VSIG10L: variants seen among roughly 807,000 people sequenced by gnomAD.
The protein encoded by VSIG10L is V-set and immunoglobulin domain containing 10 like, also known as V-set and immunoglobulin domain-containing protein 10-like.
A neutral mutation model predicts 67.3 loss-of-function variants in VSIG10L; 63 were observed. The observed-to-expected ratio is 0.94, with a 90% CI of 0.76 to 1.15. The LOEUF is 1.15. Ranked by LOEUF, VSIG10L falls within the 50% of genes most tolerant of loss-of-function variation. The pLI is 0.00. For synonymous variants in VSIG10L, 499 were observed against 524.9 expected (o/e 0.95, Z 0.67); for missense variants, 1,050 against 1,177.5 (o/e 0.89, Z 1.58).
chr19:51,333,629 C>A (rs1274894928), intron 9 of VSIG10L, among the ~76,000 whole-genome samples, 162 bp downstream of exon 9: 3 of 151,994 alleles, frequency 2.0e-5, no homozygotes, highest in African/African-American at 7.3e-5. Context: ...GGGCGGGAAG[C>A]TCTGTCCAAC....
In VSIG10L at chr19:51,340,924, G is replaced by GCCT. The variant is rs1216597393; in HGVS notation, c.896-201_896-199dup. Reference sequence around the variant, plus strand: ...AGGAGTTCGCCAGAAGAGGCTCCTAGCCTCCTCCTCCTCCCTCAGACCTGG... The same window carrying GCCT: ...AGGAGTTCGCCAGAAGAGGCTCCTAGCCTCCTCCTCCTCCTCCCTCAGACCTGG... On this transcript the variant is annotated intron_variant, in intron 2 of 9. Coordinates refer to ENST00000335624, the MANE Select transcript of VSIG10L (RefSeq NM_001163922.3). This position sits in a 1 kb window ranked among gnomAD's most constrained non-coding sequence, Gnocchi z 6.3. 1.1e-6 allele frequency: 1 copy of GCCT among 917,190 alleles called. No homozygotes were observed. Among genetic ancestry groups the GCCT allele is most frequent in the Non-Finnish European group, 1.5e-6 (1 of 654,794 alleles). The allele number at this position is 917,190 out of a possible 1,614,324, so 56.8% of individuals were successfully genotyped here.
Position 51,338,053 on chromosome 19 carries a change from G to A in VSIG10L, c.1885C>T (p.Arg629Trp), listed in dbSNP as rs777439173. The change falls in exon 6 of 10, where the codon CGG (arginine) becomes TGG (tryptophan). Residue 629 changes from arginine to tryptophan, a missense_variant. Coordinates refer to ENST00000335624, the MANE Select transcript of VSIG10L (RefSeq NM_001163922.3). ...AGTTTCCGCCCATCTTGACTGAGCC[G>A]CAGGCGACTCCCGCCTCCTGGAGCC... The part of the protein sequence containing the change: ...PLAPGGGSRL[R>W]LSQDGRKLHI... The A allele has an allele frequency of 8.4e-6, 13 of 1,551,486 alleles. No individual in the cohort carries two copies. The Admixed American group carries it at 9.8e-5, about 12-fold the overall frequency.
intron 8 of VSIG10L, 68 bp downstream of exon 8, chr19:51,334,123 C>T (rs1311635150): frequency 5.3e-6 from 8 of 1,518,336 alleles, no homozygotes; most frequent in Non-Finnish European, 7.2e-6. Context: ...GCCAGGTCTT[C>T]CATAGGCCTC....
chr19:51,334,870 T>C (rs1035938647), intron 7 of VSIG10L, among the ~76,000 whole-genome samples: 2 of 152,092 alleles, frequency 1.3e-5, no homozygotes, highest in South Asian at 4.2e-4. Flanking sequence ...TCTGGGGACG[T>C]TGAGGCTGCA....
Position 51,340,161 on chromosome 19 carries a change from G to T in VSIG10L, c.1328C>A (p.Ala443Glu). 7.1e-7 allele frequency: 1 copy of T among 1,407,860 alleles called. No homozygotes were observed. The highest frequency in any genetic ancestry group is 3.1e-5 in the East Asian group (1 of 32,610). 87.2% of individuals were successfully genotyped at this position (1,407,860 alleles called of 1,614,324 possible). The change falls in exon 4 of 10, where the codon GCG (alanine) becomes GAG (glutamate). Residue 443 changes from alanine (A) to glutamate (E), a missense_variant. Physicochemically the swap from Ala to Glu is moderately radical, Grantham distance 107. Transcript: ENST00000335624. The surrounding 1 kb of genome is among the most constrained non-coding windows in gnomAD (Gnocchi z 6.3). Reference sequence around the variant, plus strand: ...GGGCACCGCGGCCTCGGCCGGGTCCGCCAGGCTCCACGTGATGTCGGCGGG... The same window carrying T: ...GGGCACCGCGGCCTCGGCCGGGTCCTCCAGGCTCCACGTGATGTCGGCGGG... ...RPPADITWSL[A>E]DPAEAAVPAG...
rs1339945003 is a variant in VSIG10L at position 51,340,056 on chromosome 19, G to A, written c.1433C>T (p.Thr478Ile). ...GAGCAGCGAGCGGCGGCGGCGGCCG[G>A]TACGCGGGTTCGCCGCCAGGCAGGC... Reference protein sequence around the residue: ...TYACLAANPRTGRRRRSLLNL... With the variant: ...TYACLAANPRIGRRRRSLLNL... Residue 478 changes from threonine (T) to isoleucine (I), a missense_variant, in exon 4 of 10, where the codon ACC becomes ATC. By Grantham distance (89) the Thr-to-Ile change is moderately conservative (BLOSUM62 -1). Transcript: ENST00000335624. This position sits in a 1 kb window ranked among gnomAD's most constrained non-coding sequence, Gnocchi z 6.3. 2.1e-6 allele frequency: 3 copies of A among 1,435,512 alleles called. No homozygotes were observed. The African/African-American group carries it at 4.4e-5, about 21-fold the overall frequency. The allele number at this position is 1,435,512 out of a possible 1,614,324, so 88.9% of individuals were successfully genotyped here. A position where few individuals can be genotyped will look rare whatever the true frequency, so the allele number is the denominator to read the frequency against.
rs1205117849 is a variant in VSIG10L at position 51,337,438 on chromosome 19, A to G, written c.2105T>C (p.Ile702Thr). Residue 702 changes from isoleucine (I) to threonine (T), a missense_variant, in exon 7 of 10, where the codon ATC (isoleucine) becomes ACC (threonine). This residue lies in a region of VSIG10L where 529 missense variants were observed against 584.9 expected (regional missense o/e 0.90). Transcript: ENST00000335624. Reference sequence around the variant, plus strand: ...AGCAGGCCCATCTGGCCATGCCTGGATCTCAAAACTGCTGATCAGGGCCCC... The same window carrying G: ...AGCAGGCCCATCTGGCCATGCCTGGGTCTCAAAACTGCTGATCAGGGCCCC... ...ERGALISSFEIQAWPDGPALG... is the reference protein window; with the variant it reads ...ERGALISSFETQAWPDGPALG... 6.4e-7 allele frequency: 1 copy of G among 1,551,714 alleles called. No individual in the cohort carries two copies. The highest frequency in any genetic ancestry group is 1.2e-5 in the South Asian group (1 of 84,064).
Position 51,338,927 on chromosome 19 carries a change from G to A in VSIG10L, c.1690C>T (p.Arg564Cys). 1.4e-6 allele frequency: 2 copies of A among 1,447,622 alleles called. No homozygotes were observed. The highest frequency in any genetic ancestry group is 1.4e-5 in the South Asian group (1 of 72,130). The allele number at this position is 1,447,622 out of a possible 1,614,324, so 89.7% of individuals were successfully genotyped here. A position where few individuals can be genotyped will look rare whatever the true frequency, so the allele number is the denominator to read the frequency against. ...CAGGTACGCGTGGCCACCAGGTGGC[G>A]AGCAAGGCAGGTGATGGGGACGCCG... ...LSGVPITCLA[R>C]HLVATRTCTV... The change falls in exon 5 of 10, where the codon CGC (arginine) becomes TGC (cysteine). Residue 564 changes from arginine (R) to cysteine (C), a missense_variant. By Grantham distance (180) the Arg-to-Cys change is radical. Transcript: ENST00000335624.
At chr19:51,335,079 A>G (rs1445293285) in intron 7 of VSIG10L, among the ~76,000 whole-genome samples, 4 of 152,244 alleles carry the variant, frequency 2.6e-5, no homozygotes, top group Non-Finnish European at 5.9e-5. Flanking sequence ...AGACAGTCAT[A>G]CTAAACCCGG....
In VSIG10L at chr19:51,339,154, A is replaced by T; in HGVS notation, c.1475-12T>A. 3 of 1,284,010 alleles carry T rather than the reference A, an allele frequency of 2.3e-6. No individual in the cohort carries two copies. The allele number at this position is 1,284,010 out of a possible 1,614,324, so 79.5% of individuals were successfully genotyped here. A position where few individuals can be genotyped will look rare whatever the true frequency, so the allele number is the denominator to read the frequency against. Reference sequence around the variant, plus strand: ...CCCGGGGGGCAGGTCTGCGGAGAGAAGGGAGAGAATGAAGATGGAGTCCCT... The same window carrying T: ...CCCGGGGGGCAGGTCTGCGGAGAGATGGGAGAGAATGAAGATGGAGTCCCT... On this transcript the variant is annotated splice_polypyrimidine_tract_variant and intron_variant, in intron 4 of 9. Transcript: ENST00000335624.
Position 51,339,940 on chromosome 19 carries a change from T to C in VSIG10L, c.1474+75A>G, listed in dbSNP as rs1599834645. The C allele has an allele frequency of 3.2e-5, 29 of 915,442 alleles. No homozygotes were observed. The Middle Eastern group carries it at 2.1e-3, about 66-fold the overall frequency. The allele number at this position is 915,442 out of a possible 1,614,324, so 56.7% of individuals were successfully genotyped here. On this transcript the variant is annotated intron_variant, in intron 4 of 9. Coordinates refer to ENST00000335624, the MANE Select transcript of VSIG10L (RefSeq NM_001163922.3). Reference sequence around the variant, plus strand: ...TGCTCCTCCTTGCTGGCCCCGCCCCTTTCCTCTAGCCCCGCCCTCGTTCTG... The same window carrying C: ...TGCTCCTCCTTGCTGGCCCCGCCCCCTTCCTCTAGCCCCGCCCTCGTTCTG...
In VSIG10L at chr19:51,340,758, C is replaced by A; in HGVS notation, c.896-32G>T. ...GAGGGAGAATGGGCTCAGGACCCAC[C>A]CAGTCCTGGAGCCCATCTTTGGTCC... On this transcript the variant is annotated intron_variant, in intron 2 of 9. Transcript: ENST00000335624. This position sits in a 1 kb window ranked among gnomAD's most constrained non-coding sequence, Gnocchi z 6.3. The A allele has an allele frequency of 6.2e-6, 9 of 1,451,148 alleles. No individual in the cohort carries two copies. Among genetic ancestry groups the A allele is most frequent in the Non-Finnish European group, 8.1e-6 (9 of 1,105,060 alleles). The allele number at this position is 1,451,148 out of a possible 1,614,324, so 89.9% of individuals were successfully genotyped here. A position where few individuals can be genotyped will look rare whatever the true frequency, so the allele number is the denominator to read the frequency against.
chr19:51,339,912 T>G, intron 4 of VSIG10L, 103 bp downstream of exon 4: 1 of 1,085,776 alleles, frequency 9.2e-7, no homozygotes, highest in Middle Eastern at 3.8e-4. Flanking sequence ...CCCACCGGTA[T>G]GCTGCTCCTC....
chr19:51,339,406 C>G (rs1326045265), intron 4 of VSIG10L, among the ~76,000 whole-genome samples: 1 of 152,172 alleles, frequency 6.6e-6, no homozygotes, highest in Non-Finnish European at 1.5e-5. Context: ...TAACTCAGCC[C>G]CTTCCTTTCC....
At chr19:51,339,958 T>G in intron 4 of VSIG10L, 57 bp downstream of exon 4, 32 of 890,828 alleles carry the variant, frequency 3.6e-5, no homozygotes, top group Non-Finnish European at 4.0e-5. Flanking sequence ...AGCCCCGCCC[T>G]CGTTCTGGCC....
At position 51,340,739 on chromosome 19, in the gene VSIG10L, G is replaced by A. The variant is rs1035989114; in HGVS notation, c.896-13C>T. ...TGGGGTAGGGGCTCTGGGAGAGGGA[G>A]AATGGGCTCAGGACCCACCCAGTCC... On this transcript the variant is annotated splice_polypyrimidine_tract_variant and intron_variant, in intron 2 of 9. Transcript: ENST00000335624. This position sits in a 1 kb window ranked among gnomAD's most constrained non-coding sequence, Gnocchi z 6.3. The A allele has an allele frequency of 1.4e-6, 2 of 1,478,830 alleles. No individual in the cohort carries two copies. 91.6% of individuals were successfully genotyped at this position (1,478,830 alleles called of 1,614,324 possible).
At chr19:51,333,679 TA>T in intron 9 of VSIG10L, 111 bp downstream of exon 9, 2 of 1,297,152 alleles carry the variant, frequency 1.5e-6, no homozygotes, top group Non-Finnish European at 1.0e-6. Context: ...ATACAGACTG[TA>T]AACTAACAAG....
At chr19:51,337,634 G>T in intron 6 of VSIG10L, 100 bp from the exon 7 acceptor site, 1 of 871,710 alleles carries the variant, frequency 1.1e-6, no homozygotes, top group Non-Finnish European at 1.7e-6. Flanking sequence ...GGGGGCTGGG[G>T]GCCTGGACTC....
intron 9 of VSIG10L, 125 bp downstream of exon 9, chr19:51,333,666 G>A: frequency 4.2e-6 from 5 of 1,201,488 alleles, no homozygotes; most frequent in Non-Finnish European, 5.6e-6. Context: ...AAAGGATAAA[G>A]TTATACAGAC....
Sources: allele counts gnomAD v4.1 joint callset (sites outside exome capture counted in the v4.1 genomes callset), GRCh38; gene constraint gnomAD v4.1.1; regional missense constraint gnomAD v4.1.1; non-coding constraint Gnocchi (gnomAD v3.1); transcripts MANE v1.5; gene names NCBI Gene and HGNC (gene_info 2026-07-23, HGNC 2026-07-21).